TLK2: variants seen among roughly 807,000 people sequenced by gnomAD.
TLK2 encodes serine/threonine-protein kinase tousled-like 2.
TLK2 carries 6 observed loss-of-function variants against 117.3 expected under a neutral mutation model. The ratio of observed to expected loss-of-function variants is 0.05; its 90% confidence interval spans 0.03 to 0.10. The LOEUF is 0.10. Among genes scored for constraint, TLK2 ranks in the 10% least tolerant of loss-of-function variants. The pLI, the probability that TLK2 is intolerant of heterozygous loss-of-function variation, is 1.00. For synonymous variants in TLK2, 257 were observed against 316.7 expected (o/e 0.81, Z 2.00); for missense variants, 299 against 901.2 (o/e 0.33, Z 8.56).
intron 5 of TLK2, 96 bp from the exon 6 acceptor site, chr17:62,524,140 T>G: frequency 1.2e-6 from 1 of 814,892 alleles, no homozygotes. Context: ...AGGGGCCATA[T>G]AATTAAGATC....
chr17:62,515,199 A>G (rs1273332463), intron 2 of TLK2, among the ~76,000 whole-genome samples: 7 of 152,208 alleles, frequency 4.6e-5, no homozygotes, highest in Admixed American at 4.6e-4. Flanking sequence ...AATTTCATGT[A>G]TACACCACAT....
rs147444612 is a variant in TLK2, at chr17:62,502,341, A to C, written c.82-18432A>C. ...CTAAAAAGCATTTGACTAACTGTTA[A>C]CACTATTTGTGATAAAAGCTCTCAG... On this transcript the variant is annotated intron_variant, in intron 2 of 21. Transcript: ENST00000346027. Among the ~76,000 whole-genome samples the C allele has an allele frequency of 8.3e-4, 127 of 152,290 alleles. 2 individuals are homozygous for C. In the East Asian group the frequency reaches 0.019, roughly 23 times the overall value.
chr17:62,545,683 A>G (rs765713944), intron 7 of TLK2, among the ~76,000 whole-genome samples: 7 of 152,050 alleles, frequency 4.6e-5, no homozygotes, highest in Non-Finnish European at 8.8e-5. Flanking sequence ...TTAGGTTAAC[A>G]AAGTTCCTCT....
chr17:62,570,692 C>T (rs954783244), intron 11 of TLK2, among the ~76,000 whole-genome samples: 5 of 152,142 alleles, frequency 3.3e-5, no homozygotes, highest in Non-Finnish European at 7.3e-5. Flanking sequence ...AACTTTCGTT[C>T]TCAGAATGTG....
chr17:62,539,749 G>A (rs188705835), intron 7 of TLK2, among the ~76,000 whole-genome samples: 4 of 151,876 alleles, frequency 2.6e-5, no homozygotes, highest in Non-Finnish European at 5.9e-5. Flanking sequence ...TGATCCTCCC[G>A]CCTCGGCCTC....
chr17:62,476,718 G>A (rs140743999), upstream of TLK2, among the ~76,000 whole-genome samples: 1,839 of 152,266 alleles, frequency 0.012, 31 homozygotes, highest in African/African-American at 0.042. Flanking sequence ...TAGGCTGCAA[G>A]ACACCTCTGA....
chr17:62,546,158 A>C (rs1334299104), intron 7 of TLK2, among the ~76,000 whole-genome samples: 1 of 152,000 alleles, frequency 6.6e-6, no homozygotes. Flanking sequence ...CTGGGATTAC[A>C]GTCATGAGCC....
At chr17:62,512,896 G>T (rs866626298) in intron 2 of TLK2, among the ~76,000 whole-genome samples, 843 of 54,498 alleles carry the variant, frequency 0.015, 9 homozygotes, top group African/African-American at 0.034. Context: ...ATTATTATTA[G>T]AGACGAAGTT....
rs552196453 is a variant in TLK2 at position 62,560,165 on chromosome 17, A to G, written c.831+39A>G. The G allele has an allele frequency of 2.9e-5, 39 of 1,367,282 alleles. 1 individual carries two copies. In the East Asian group the frequency reaches 7.0e-4, roughly 24 times the overall value. 84.7% of individuals were successfully genotyped at this position (1,367,282 alleles called of 1,614,324 possible). A position where few individuals can be genotyped will look rare whatever the true frequency, so the allele number is the denominator to read the frequency against. On this transcript the variant is annotated intron_variant, in intron 10 of 21. Transcript: ENST00000346027. ...GTTGGTCTAAACTCTGTATCCCAAG[A>G]TACTCAATGTGTGTCATTGTGTGGC...
chr17:62,546,844 GAC>G (rs2146060710), intron 7 of TLK2, among the ~76,000 whole-genome samples: 1 of 152,190 alleles, frequency 6.6e-6, no homozygotes, highest in Non-Finnish European at 1.5e-5. Context: ...ACAGGCATGA[GAC>G]ACCGCACCCG....
rs768508482 is a variant in TLK2, at chr17:62,479,268, A to AGCG, written c.-10_-8dup. 57 of 166,552 alleles carry AGCG rather than the reference A, an allele frequency of 3.4e-4. 1 individual carries two copies. Among genetic ancestry groups the AGCG allele is most frequent in the Middle Eastern group, 5.8e-3 (2 of 342 alleles). The allele number at this position is 166,552 out of a possible 1,614,324, so 10.3% of individuals were successfully genotyped here. A position where few individuals can be genotyped will look rare whatever the true frequency, so the allele number is the denominator to read the frequency against. On this transcript the variant is annotated 5_prime_UTR_variant, in exon 1 of 22. Transcript: ENST00000346027. ...GGGGCCCCTCCCGGGAGGAGCGTGG[A>AGCG]GCGGCGGCGGCGGCGGCGGCAGGTG...
chr17:62,532,405 T>C (rs879540745), intron 6 of TLK2, among the ~76,000 whole-genome samples: 4 of 152,206 alleles, frequency 2.6e-5, no homozygotes, highest in Non-Finnish European at 5.9e-5. Flanking sequence ...TTGTCATCAA[T>C]GGGTATCACA....
At chr17:62,537,401 G>A (rs566434320) in intron 7 of TLK2, among the ~76,000 whole-genome samples, 5 of 152,216 alleles carry the variant, frequency 3.3e-5, no homozygotes, top group Non-Finnish European at 7.3e-5. Context: ...ACATGGTTTC[G>A]TGATAGTGTT....
At chr17:62,533,388 G>GTGTGTGTC in intron 6 of TLK2, among the ~76,000 whole-genome samples, 1 of 139,902 alleles carries the variant, frequency 7.1e-6, no homozygotes, top group Non-Finnish European at 1.6e-5. Flanking sequence ...GTGTGTGTGT[G>GTGTGTGTC]TGTCTGTGTG....
chr17:62,560,649 G>C (rs940210935), intron 10 of TLK2, among the ~76,000 whole-genome samples: 1 of 151,002 alleles, frequency 6.6e-6, no homozygotes, highest in African/African-American at 2.4e-5. Flanking sequence ...ATAGGTATTA[G>C]TAACTATTAG....
chr17:62,606,100 C>G (rs1335803453), intron 19 of TLK2, 30 bp from the exon 20 acceptor site: 1 of 1,001,456 alleles, frequency 1.0e-6, no homozygotes, highest in Non-Finnish European at 1.4e-6. Context: ...GATCATTATT[C>G]TAATAATTTA....
intron 21 of TLK2, among the ~76,000 whole-genome samples, chr17:62,609,480 T>C (rs979026439): frequency 1.3e-5 from 2 of 152,240 alleles, no homozygotes; most frequent in African/African-American, 4.8e-5. Context: ...CTTTTCCAAG[T>C]GGTTTAGCTG....
chr17:62,576,841 A>G (rs766326571), intron 13 of TLK2, 66 bp downstream of exon 13: 9 of 1,278,126 alleles, frequency 7.0e-6, no homozygotes, highest in South Asian at 1.2e-5. Context: ...GGTTGAAGCT[A>G]TTTGGTCATT....
intron 16 of TLK2, among the ~76,000 whole-genome samples, chr17:62,589,064 A>G (rs7225068): frequency 0.5 from 75,716 of 152,086 alleles, 20,652 homozygotes; most frequent in East Asian, 0.7. Flanking sequence ...AGAAAATAAA[A>G]GGTGTTTGTT....
Sources: gnomAD v4.1 joint callset for allele counts (sites outside exome capture counted in the v4.1 genomes callset) on GRCh38, gnomAD v4.1.1 for gene constraint, MANE v1.5 for transcripts, NCBI Gene and HGNC (gene_info 2026-07-23, HGNC 2026-07-21) for gene names.